Variants in GLI3 observed in about 807,000 individuals in gnomAD.
The protein encoded by GLI3 is GLI family zinc finger 3.
Under a neutral mutation model 100.8 loss-of-function variants are expected in GLI3, and 20 were observed. The observed-to-expected ratio is 0.20, with a 90% CI of 0.14 to 0.29. The LOEUF (loss-of-function observed/expected upper bound fraction) is 0.29, where lower values mean the gene tolerates loss of function less well. GLI3 is among the 10% of genes least tolerant of loss of function. The pLI is 1.00. For synonymous variants in GLI3, 938 were observed against 860.5 expected (o/e 1.09, Z -1.58); for missense variants, 2,040 against 2,128.5 (o/e 0.96, Z 0.82).
intron 2 of GLI3, among the ~76,000 whole-genome samples, chr7:42,188,992 A>G (rs1275621161): frequency 1.3e-5 from 2 of 152,130 alleles, no homozygotes; most frequent in Admixed American, 6.5e-5. Flanking sequence ...TAATCTATGG[A>G]CTTTGGGTGA....
At chr7:42,055,058 C>G (rs982358556) in intron 4 of GLI3, among the ~76,000 whole-genome samples, 3 of 108,878 alleles carry the variant, frequency 2.8e-5, no homozygotes, top group Non-Finnish European at 5.9e-5. Flanking sequence ...TATACACACA[C>G]ATATATGTAT....
At chr7:42,252,134 A>T (rs751383962) in intron 1 of GLI3, among the ~76,000 whole-genome samples, 5 of 152,024 alleles carry the variant, frequency 3.3e-5, no homozygotes, top group Non-Finnish European at 5.9e-5. Flanking sequence ...AAAACGTGGT[A>T]CATATACACT....
intron 4 of GLI3, among the ~76,000 whole-genome samples, chr7:42,056,942 A>G (rs931768939): frequency 1.3e-5 from 2 of 150,732 alleles, no homozygotes; most frequent in Non-Finnish European, 2.9e-5. Flanking sequence ...AGATCACGCC[A>G]TTGCACTCCA....
chr7:42,029,704 A>G (rs1427506255), intron 7 of GLI3, among the ~76,000 whole-genome samples: 1 of 151,900 alleles, frequency 6.6e-6, no homozygotes, highest in African/African-American at 2.4e-5. Flanking sequence ...CACAATGGCC[A>G]CTTCCTTTTT....
chr7:42,113,159 A>G (rs946269771), intron 3 of GLI3, among the ~76,000 whole-genome samples: 31 of 152,226 alleles, frequency 2.0e-4, no homozygotes, highest in African/African-American at 7.0e-4. Context: ...CCTGGGCGAC[A>G]GAGCGAGACT....
intron 10 of GLI3, among the ~76,000 whole-genome samples, chr7:42,000,067 G>A (rs185008465): frequency 3.0e-4 from 46 of 152,342 alleles, no homozygotes; most frequent in African/African-American, 1.1e-3. Flanking sequence ...AACTGGTTCA[G>A]GCTGAGCCAA....
chr7:42,123,939 C>T (rs1172274650), intron 3 of GLI3, among the ~76,000 whole-genome samples: 1 of 152,176 alleles, frequency 6.6e-6, no homozygotes, highest in African/African-American at 2.4e-5. Context: ...CATGGTCACA[C>T]CAAGATTCGC....
chr7:42,084,030 C>T lies in GLI3; in HGVS notation c.368-7173G>A, dbSNP rs138772569. Among the ~76,000 whole-genome samples the T allele has an allele frequency of 8.7e-3, 1,327 of 152,336 alleles. 28 individuals carry two copies. The highest frequency in any genetic ancestry group is 0.03 in the African/African-American group (1,263 of 41,568). On this transcript the variant is annotated intron_variant, in intron 3 of 14. Transcript: ENST00000395925. ...TCTAAAACCCAATAAGCTTTTACTT[C>T]TGGCAACTACCTGACAGTCTTGACT... is the stretch of plus-strand genomic sequence containing the variant.
chr7:42,022,408 G>A (rs1788969232), intron 10 of GLI3, among the ~76,000 whole-genome samples: 1 of 151,992 alleles, frequency 6.6e-6, no homozygotes, highest in Non-Finnish European at 1.5e-5. Flanking sequence ...AAATGGAGGA[G>A]GGTTATCAAG....
At chr7:41,988,101 A>G (rs1006468158) in intron 10 of GLI3, among the ~76,000 whole-genome samples, 1 of 152,226 alleles carries the variant, frequency 6.6e-6, no homozygotes, top group African/African-American at 2.4e-5. Flanking sequence ...GGGCCCTGCT[A>G]TGGTCTGAAT....
chr7:42,144,544 T>G (rs576923980), intron 3 of GLI3, among the ~76,000 whole-genome samples: 9 of 152,254 alleles, frequency 5.9e-5, no homozygotes, highest in African/African-American at 2.2e-4. Context: ...CTTTTTTCTT[T>G]TTTTTTTAAG....
intron 2 of GLI3, among the ~76,000 whole-genome samples, chr7:42,188,356 C>T (rs539292430): frequency 6.6e-6 from 1 of 152,180 alleles, no homozygotes; most frequent in East Asian, 1.9e-4. Context: ...TAAATACACA[C>T]ACCGCTGGTA....
At chr7:42,093,109 T>A (rs1209743471) in intron 3 of GLI3, among the ~76,000 whole-genome samples, 1 of 149,800 alleles carries the variant, frequency 6.7e-6, no homozygotes, top group Non-Finnish European at 1.5e-5. Context: ...CCACCGCGCC[T>A]GGCCAGGATC....
chr7:42,085,275 C>A (rs1313579903), intron 3 of GLI3, among the ~76,000 whole-genome samples: 1 of 152,068 alleles, frequency 6.6e-6, no homozygotes, highest in Non-Finnish European at 1.5e-5. Context: ...AACAACTGAT[C>A]CACAAAGGGG....
intron 10 of GLI3, among the ~76,000 whole-genome samples, chr7:41,992,434 G>A (rs1336125315): frequency 6.6e-6 from 1 of 152,180 alleles, no homozygotes; most frequent in East Asian, 1.9e-4. Context: ...ATCCCACAGA[G>A]AAGACAATCC....
chr7:42,227,384 G>T (rs1278072899), intron 1 of GLI3, among the ~76,000 whole-genome samples: 2 of 151,218 alleles, frequency 1.3e-5, no homozygotes, highest in Non-Finnish European at 2.9e-5. Flanking sequence ...CCTAAAGCTT[G>T]AAGTTTCATA....
intron 2 of GLI3, among the ~76,000 whole-genome samples, chr7:42,171,313 T>TA (rs1787368019): frequency 6.6e-6 from 1 of 152,222 alleles, no homozygotes; most frequent in South Asian, 2.1e-4. Context: ...CAGGATTTTT[T>TA]AAAAAACTTT....
intron 13 of GLI3, among the ~76,000 whole-genome samples, chr7:41,968,906 C>T (rs1787296931): frequency 1.3e-5 from 2 of 152,134 alleles, no homozygotes; most frequent in African/African-American, 2.4e-5. Flanking sequence ...GATTCCCTAA[C>T]CCCAACCGAG....
In GLI3 at chr7:42,052,040, C is replaced by T. The variant is rs77367738; in HGVS notation, c.474-3344G>A. ...AGGAAACCACTCATCTTTTTGCCCT[C>T]GCCATAGTTTTGCCTTTTCCAGAAT... On this transcript the variant is annotated intron_variant, in intron 4 of 14. Transcript: ENST00000395925. Among the ~76,000 whole-genome samples, 480 of 152,300 alleles carry T rather than the reference C, an allele frequency of 3.2e-3. 3 individuals carry two copies. Among genetic ancestry groups the T allele is most frequent in the African/African-American group, 0.011 (461 of 41,564 alleles).
Sources: allele counts gnomAD v4.1 joint callset (sites outside exome capture counted in the v4.1 genomes callset), GRCh38; gene constraint gnomAD v4.1.1; transcripts MANE v1.5; gene names NCBI Gene and HGNC (gene_info 2026-07-23, HGNC 2026-07-21).